MYO3B: variants seen among roughly 807,000 people sequenced by gnomAD.
The protein encoded by MYO3B is myosin IIIB.
A neutral mutation model predicts 174.6 loss-of-function variants in MYO3B; 156 were observed. The observed-to-expected ratio is 0.89, with a 90% CI of 0.78 to 1.02. MYO3B has a LOEUF of 1.02. MYO3B is among the 50% of genes least tolerant of loss of function. The pLI, the probability that MYO3B is intolerant of heterozygous loss-of-function variation, is 0.00. For synonymous variants in MYO3B, 563 were observed against 569.1 expected (o/e 0.99, Z 0.15); for missense variants, 1,632 against 1,639.4 (o/e 1.00, Z 0.08).
At chr2:170,242,965 G>A (rs933969305) in intron 7 of MYO3B, among the ~76,000 whole-genome samples, 2 of 152,160 alleles carry the variant, frequency 1.3e-5, no homozygotes, top group African/African-American at 4.8e-5. Context: ...TAATGGTAGG[G>A]GCAGGGGTAA....
intron 22 of MYO3B, among the ~76,000 whole-genome samples, chr2:170,414,150 A>G (rs1251599003): frequency 1.3e-5 from 2 of 152,176 alleles, no homozygotes; most frequent in Non-Finnish European, 2.9e-5. Flanking sequence ...TGATCAAACT[A>G]TCTCCCTCTT....
At chr2:170,573,227 GTATATA>G (rs34137139) in intron 32 of MYO3B, among the ~76,000 whole-genome samples, 52 of 46,478 alleles carry the variant, frequency 1.1e-3, no homozygotes, top group East Asian at 7.8e-3. Context: ...TATACTGTGT[GTATATA>G]TATATATATA....
chr2:170,413,767 C>A (rs1451970763), intron 22 of MYO3B, among the ~76,000 whole-genome samples: 1 of 152,026 alleles, frequency 6.6e-6, no homozygotes, highest in African/African-American at 2.4e-5. Context: ...AGGCCGGGTG[C>A]GGTGGCTCAT....
At chr2:170,406,912 C>T (rs1271309981) in intron 21 of MYO3B, among the ~76,000 whole-genome samples, 11 of 152,018 alleles carry the variant, frequency 7.2e-5, no homozygotes, top group Non-Finnish European at 1.5e-4. Flanking sequence ...TCATGAGGAC[C>T]TAGGGAGGCA....
At chr2:170,636,257 C>T (rs1365169279) in intron 32 of MYO3B, among the ~76,000 whole-genome samples, 2 of 152,126 alleles carry the variant, frequency 1.3e-5, no homozygotes, top group Non-Finnish European at 2.9e-5. Context: ...TGGCCAGAAA[C>T]AGGCCTAGAA....
chr2:170,387,146 A>C lies in MYO3B; in HGVS notation c.1415A>C (p.Asn472Thr), dbSNP rs775945388. ...TTGAGAGAGAAAATTCTACAAGTCA[A>C]CTCCCTGGTGGAAGCCTTTGGGAAC... ...QTLREKILQV[N>T]SLVEAFGNSC... is the part of the protein sequence containing the mutation. The change falls in exon 14 of 35, where the codon AAC becomes ACC. Residue 472 changes from asparagine to threonine, a missense_variant. Coordinates refer to ENST00000408978, the MANE Select transcript of MYO3B (RefSeq NM_138995.5). 14 of 1,613,896 alleles carry C rather than the reference A, an allele frequency of 8.7e-6. No individual in the cohort carries two copies. The highest frequency in any genetic ancestry group is 1.1e-5 in the Non-Finnish European group (13 of 1,179,940).
At chr2:170,401,802 CTT>C (rs769531863) in intron 18 of MYO3B, 111 bp downstream of exon 18, 2,542 of 693,158 alleles carry the variant, frequency 3.7e-3, no homozygotes, top group Middle Eastern at 7.3e-3. Context: ...CTTTCTTTTT[CTT>C]TTTTTTTTTT....
At position 170,286,437 on chromosome 2, in the gene MYO3B, T is replaced by G. The variant is rs559708945; in HGVS notation, c.750-48948T>G. Among the ~76,000 whole-genome samples, 71 of 152,316 alleles carry G rather than the reference T, an allele frequency of 4.7e-4. No homozygotes were observed. The South Asian group carries it at 0.013, about 28-fold the overall frequency. On this transcript the variant is annotated intron_variant, in intron 7 of 34. Coordinates refer to ENST00000408978, the MANE Select transcript of MYO3B (RefSeq NM_138995.5). ...TTCCATCTGTACCTGTACCACATGATGTAGGAAGTTTCCCATTTATATCTA... is the reference window on the plus strand; with the variant it reads ...TTCCATCTGTACCTGTACCACATGAGGTAGGAAGTTTCCCATTTATATCTA...
chr2:170,448,719 T>C (rs12478885), intron 23 of MYO3B, among the ~76,000 whole-genome samples: 35,051 of 152,128 alleles, frequency 0.23, 4,880 homozygotes, highest in Non-Finnish European at 0.31. Context: ...AGCTCACAGA[T>C]AATTTAGAAT....
At chr2:170,345,455 G>C (rs965160864) in intron 8 of MYO3B, among the ~76,000 whole-genome samples, 2 of 152,066 alleles carry the variant, frequency 1.3e-5, no homozygotes, top group African/African-American at 4.8e-5. Flanking sequence ...TGTCATACCA[G>C]GTTAGTGAAT....
chr2:170,449,008 CTT>C (rs1487550773), intron 23 of MYO3B, among the ~76,000 whole-genome samples: 3 of 152,132 alleles, frequency 2.0e-5, no homozygotes, highest in Non-Finnish European at 4.4e-5. Context: ...TCAGATTGTA[CTT>C]TTAAAGCCTT....
In MYO3B at chr2:170,300,105, C is replaced by T. The variant is rs532464608; in HGVS notation, c.750-35280C>T. On this transcript the variant is annotated intron_variant, in intron 7 of 34. Coordinates refer to ENST00000408978, the MANE Select transcript of MYO3B (RefSeq NM_138995.5). ...AGATATTCAGTGCCGATAGGGCAGA[C>T]ATTAGAGATGCTCAGTATTCTGGCT... Among the ~76,000 whole-genome samples the T allele has an allele frequency of 1.9e-4, 29 of 152,352 alleles. No homozygotes were observed. In the South Asian group the frequency reaches 5.8e-3, roughly 30 times the overall value.
At chr2:170,465,603 A>G (rs532702721) in intron 24 of MYO3B, among the ~76,000 whole-genome samples, 71 of 152,220 alleles carry the variant, frequency 4.7e-4, no homozygotes, top group Non-Finnish European at 8.7e-4. Flanking sequence ...TAGTAGCTCT[A>G]TTTACTCTGT....
In MYO3B at chr2:170,199,188, C is replaced by T; in HGVS notation, c.3-20C>T. The stretch of plus-strand genomic sequence containing the variant: ...CAGTTCTGTGATCTGTTGCACATAA[C>T]AAATTTTTCCCCCAACCAGGAAACA... On this transcript the variant is annotated intron_variant, in intron 1 of 34. Coordinates refer to ENST00000408978, the MANE Select transcript of MYO3B (RefSeq NM_138995.5). 1 of 1,570,656 alleles carries T rather than the reference C, an allele frequency of 6.4e-7. No individual in the cohort carries two copies. The highest frequency in any genetic ancestry group is 8.6e-7 in the Non-Finnish European group (1 of 1,156,952).
intron 7 of MYO3B, among the ~76,000 whole-genome samples, chr2:170,310,055 T>C (rs1402046544): frequency 1.3e-5 from 2 of 152,314 alleles, no homozygotes; most frequent in African/African-American, 2.4e-5. Flanking sequence ...CTTAGCATAA[T>C]GTTTTCAAGG....
intron 23 of MYO3B, among the ~76,000 whole-genome samples, chr2:170,446,476 C>G (rs954318125): frequency 6.6e-6 from 1 of 152,050 alleles, no homozygotes; most frequent in African/African-American, 2.4e-5. Flanking sequence ...AGTGTGCCTT[C>G]TAGTGTGTGG....
At chr2:170,384,246 G>A (rs2094357155) in intron 12 of MYO3B, among the ~76,000 whole-genome samples, 1 of 152,084 alleles carries the variant, frequency 6.6e-6, no homozygotes. Context: ...GGTTGACAGT[G>A]ACCATGCACC....
chr2:170,315,160 A>C (rs1377109696), intron 7 of MYO3B, among the ~76,000 whole-genome samples: 1 of 152,200 alleles, frequency 6.6e-6, no homozygotes, highest in African/African-American at 2.4e-5. Flanking sequence ...AAAAGACTGA[A>C]GCTTTAGGAA....
At chr2:170,295,382 A>G (rs926608040) in intron 7 of MYO3B, among the ~76,000 whole-genome samples, 1 of 150,478 alleles carries the variant, frequency 6.6e-6, no homozygotes, top group African/African-American at 2.4e-5. Flanking sequence ...CTTTTCCCCC[A>G]TCTATCATTT....
Sources: allele counts gnomAD v4.1 joint callset (sites outside exome capture counted in the v4.1 genomes callset), GRCh38; gene constraint gnomAD v4.1.1; transcripts MANE v1.5; gene names NCBI Gene and HGNC (gene_info 2026-07-23, HGNC 2026-07-21).